LMBRD1: variants seen among roughly 807,000 people sequenced by gnomAD.
LMBRD1 encodes LMBR1 domain containing 1.
A neutral mutation model predicts 74.8 loss-of-function variants in LMBRD1; 64 were observed. That is an observed-to-expected ratio of 0.86 (90% CI 0.70 to 1.05). LMBRD1 has a LOEUF of 1.05. Among genes scored for constraint, LMBRD1 ranks in the 50% least tolerant of loss-of-function variants. LMBRD1 has a pLI of 0.00. For synonymous variants in LMBRD1, 204 were observed against 216.3 expected (o/e 0.94, Z 0.50); for missense variants, 652 against 645.9 (o/e 1.01, Z -0.10).
intron 7 of LMBRD1, 144 bp from the exon 8 acceptor site, chr6:69,719,225 A>G (rs1766561491): frequency 2.9e-6 from 2 of 686,420 alleles, no homozygotes; most frequent in Non-Finnish European, 5.0e-6. Flanking sequence ...TATGGGAGTG[A>G]ACATTATATT....
chr6:69,731,382 T>C (rs762890305), intron 7 of LMBRD1, among the ~76,000 whole-genome samples: 3 of 152,070 alleles, frequency 2.0e-5, no homozygotes, highest in Non-Finnish European at 4.4e-5. Flanking sequence ...GATTTGATCA[T>C]TACACATTAT....
chr6:69,711,115 A>T (rs553284981), intron 9 of LMBRD1, among the ~76,000 whole-genome samples: 60 of 152,320 alleles, frequency 3.9e-4, no homozygotes, highest in African/African-American at 1.4e-3. Context: ...CTGTAATACC[A>T]CCGAACAATA....
rs993051610 is a variant in LMBRD1 at position 69,759,487 on chromosome 6, A to C, written c.308-7131T>G. On this transcript the variant is annotated intron_variant, in intron 3 of 15. Transcript: ENST00000649934. The stretch of plus-strand genomic sequence containing the variant: ...AAAACAAACCAAAAAAAAACCACCA[A>C]GATGGCCAATTTAGGTTTATGCTAG... Among the ~76,000 whole-genome samples, 4 of 152,250 alleles carry C rather than the reference A, an allele frequency of 2.6e-5. No homozygotes were observed. The South Asian group carries it at 6.2e-4, about 24-fold the overall frequency.
At chr6:69,747,526 C>G (rs760154629) in intron 5 of LMBRD1, among the ~76,000 whole-genome samples, 16 of 152,196 alleles carry the variant, frequency 1.1e-4, no homozygotes, top group Non-Finnish European at 2.1e-4. Context: ...GACCAATTCC[C>G]ATTCCTTCGA....
intron 3 of LMBRD1, among the ~76,000 whole-genome samples, chr6:69,772,170 C>A (rs1765590066): frequency 6.6e-6 from 1 of 152,232 alleles, no homozygotes; most frequent in East Asian, 1.9e-4. Flanking sequence ...CCAGAGAGGT[C>A]TGCACAAAGA....
chr6:69,778,382 C>T (rs1370518233), intron 3 of LMBRD1, among the ~76,000 whole-genome samples: 7 of 152,180 alleles, frequency 4.6e-5, no homozygotes, highest in Admixed American at 3.3e-4. Context: ...TTTGGGAGGA[C>T]TAAGAAAAAT....
chr6:69,772,485 G>A lies in LMBRD1; in HGVS notation c.307+8009C>T, dbSNP rs567396653. On this transcript the variant is annotated intron_variant, in intron 3 of 15. Coordinates refer to ENST00000649934, the MANE Select transcript of LMBRD1 (RefSeq NM_018368.4). ...GAGACAAAAAGTACAAGTCACACTA[G>A]TTATAAGTCCAAGAGATCACTTGCT... 3.3e-5 allele frequency among the ~76,000 whole-genome samples: 5 copies of A among 152,248 alleles called. No individual in the cohort carries two copies. The East Asian group carries it at 9.7e-4, about 29-fold the overall frequency.
At position 69,738,087 on chromosome 6, in the gene LMBRD1, T is replaced by C. The variant is rs557038192; in HGVS notation, c.563-72A>G. 777 of 1,138,458 alleles carry C rather than the reference T, an allele frequency of 6.8e-4. 3 individuals carry two copies. The highest frequency in any genetic ancestry group is 3.1e-3 in the Middle Eastern group (15 of 4,852). The allele number at this position is 1,138,458 out of a possible 1,614,324, so 70.5% of individuals were successfully genotyped here. ...AATCCTTATATTTAGCAAATCAACATAGAAAGCTGAGCTGCTTACACATTT... is the reference window on the plus strand; with the variant it reads ...AATCCTTATATTTAGCAAATCAACACAGAAAGCTGAGCTGCTTACACATTT... On this transcript the variant is annotated intron_variant, in intron 6 of 15. Transcript: ENST00000649934.
intron 7 of LMBRD1, among the ~76,000 whole-genome samples, chr6:69,724,397 C>A (rs954067150): frequency 2.1e-5 from 3 of 139,882 alleles, no homozygotes; most frequent in East Asian, 2.1e-4. Context: ...AATATTCATA[C>A]AAAAACCCCT....
At chr6:69,732,929 A>G (rs1766892484) in intron 7 of LMBRD1, among the ~76,000 whole-genome samples, 1 of 152,164 alleles carries the variant, frequency 6.6e-6, no homozygotes, top group Non-Finnish European at 1.5e-5. Context: ...ATTCCCTTTC[A>G]ATGTAAGCTT....
chr6:69,708,010 CAATATAAT>C (rs1423309402), intron 9 of LMBRD1, among the ~76,000 whole-genome samples: 5 of 151,902 alleles, frequency 3.3e-5, no homozygotes, highest in African/African-American at 4.8e-5. Context: ...AAAATATATG[CAATATAAT>C]TACAAACATA....
rs111448513 is a variant in LMBRD1, at chr6:69,692,009, A to C, written c.1417+5554T>G. Among the ~76,000 whole-genome samples, 166 of 152,192 alleles carry C rather than the reference A, an allele frequency of 1.1e-3. 2 individuals are homozygous for C. The highest frequency in any genetic ancestry group is 3.8e-3 in the African/African-American group (158 of 41,558). On this transcript the variant is annotated intron_variant, in intron 14 of 15. Transcript: ENST00000649934. ...AAGTTCAATTACTTTTTAATGTAAGATATCAATACACATTTTACTTATTCT... is the reference window on the plus strand; with the variant it reads ...AAGTTCAATTACTTTTTAATGTAAGCTATCAATACACATTTTACTTATTCT...
chr6:69,749,454 A>G (rs1765072979), intron 4 of LMBRD1, 46 bp from the exon 5 acceptor site: 14 of 1,412,512 alleles, frequency 9.9e-6, no homozygotes, highest in Non-Finnish European at 1.3e-5. Context: ...AAGCCCTTTA[A>G]AATATAAAAT....
chr6:69,758,376 G>T (rs1013376223), intron 3 of LMBRD1, among the ~76,000 whole-genome samples: 7 of 152,080 alleles, frequency 4.6e-5, no homozygotes, highest in African/African-American at 1.7e-4. Flanking sequence ...TATTTACCCA[G>T]CTGAAAAACT....
chr6:69,728,942 C>T (rs1387193570), intron 7 of LMBRD1, among the ~76,000 whole-genome samples: 4 of 152,012 alleles, frequency 2.6e-5, no homozygotes, highest in Non-Finnish European at 4.4e-5. Flanking sequence ...TTGTTCCCAA[C>T]CTCTATATGT....
chr6:69,794,894 T>A (rs1322710591), intron 1 of LMBRD1, among the ~76,000 whole-genome samples: 1 of 152,222 alleles, frequency 6.6e-6, no homozygotes, highest in African/African-American at 2.4e-5. Flanking sequence ...AAGTGCAAGA[T>A]GGGCTAATGG....
intron 9 of LMBRD1, among the ~76,000 whole-genome samples, chr6:69,711,905 G>C (rs1170056594): frequency 3.3e-5 from 5 of 151,916 alleles, no homozygotes; most frequent in African/African-American, 1.2e-4. Context: ...TGCGTCATGG[G>C]GGTTGTTGTA....
In LMBRD1 at chr6:69,738,017, T is replaced by C; in HGVS notation, c.563-2A>G. The C allele has an allele frequency of 6.2e-7, 1 of 1,604,672 alleles. No homozygotes were observed. Among genetic ancestry groups the C allele is most frequent in the South Asian group, 1.1e-5 (1 of 90,098 alleles). ...AAAATGACAATGCAGCTAAACCATC[T>C]GTGAAGAAAGAAAAACTGTTAAAAA... On this transcript the variant is annotated splice_acceptor_variant, in intron 6 of 15. Coordinates refer to ENST00000649934, the MANE Select transcript of LMBRD1 (RefSeq NM_018368.4). LOFTEE classifies it high-confidence loss of function.
chr6:69,735,073 T>C (rs980735221), intron 7 of LMBRD1, among the ~76,000 whole-genome samples: 2 of 152,240 alleles, frequency 1.3e-5, no homozygotes, highest in African/African-American at 4.8e-5. Flanking sequence ...TTGTATGTAG[T>C]ATACTTCATG....
Sources: allele counts gnomAD v4.1 joint callset (sites outside exome capture counted in the v4.1 genomes callset), GRCh38; gene constraint gnomAD v4.1.1; transcripts MANE v1.5; gene names NCBI Gene and HGNC (gene_info 2026-07-23, HGNC 2026-07-21).